Variants in LHFPL4 observed in about 807,000 individuals in gnomAD.
The protein encoded by LHFPL4 is LHFPL tetraspan subfamily member 4 protein.
In LHFPL4, 6 loss-of-function variants were observed where a neutral mutation model predicts 20.0. The ratio of observed to expected loss-of-function variants is 0.30; its 90% CI spans 0.16 to 0.59. The LOEUF (loss-of-function observed/expected upper bound fraction) is 0.59. Ranked by LOEUF, LHFPL4 falls within the 20% of genes least tolerant of loss-of-function variation. The probability of loss-of-function intolerance (pLI) is 0.88; values close to 1 mark genes in which losing one functional copy is unlikely to be tolerated. For synonymous variants in LHFPL4, 129 were observed against 143.8 expected (o/e 0.90, Z 0.74); for missense variants, 215 against 331.2 (o/e 0.65, Z 2.72).
intron 2 of LHFPL4, among the ~76,000 whole-genome samples, chr3:9,509,239 G>GCCC (rs1470517081): frequency 1.5e-4 from 11 of 74,822 alleles, no homozygotes; most frequent in African/African-American, 3.5e-4. Context: ...ATCTTTCTTC[G>GCCC]CACCCCCCTC....
chr3:9,511,050 A>G (rs114491762), intron 2 of LHFPL4, among the ~76,000 whole-genome samples: 1,815 of 151,856 alleles, frequency 0.012, 35 homozygotes, highest in African/African-American at 0.042. Context: ...ATTTAATCCT[A>G]TTATTAATTT....
intron 2 of LHFPL4, among the ~76,000 whole-genome samples, chr3:9,510,029 A>G (rs770053351): frequency 1.3e-5 from 2 of 152,212 alleles, no homozygotes; most frequent in South Asian, 2.1e-4. Context: ...CTCAGCCTCA[A>G]TGCTTTTGAC....
intron 2 of LHFPL4, among the ~76,000 whole-genome samples, chr3:9,548,267 A>G (rs2046530201): frequency 6.6e-6 from 1 of 152,246 alleles, no homozygotes; most frequent in African/African-American, 2.4e-5. Flanking sequence ...TGTTGTGAGT[A>G]TCAAATTATA....
chr3:9,523,313 G>A (rs1158657700), intron 2 of LHFPL4, among the ~76,000 whole-genome samples: 20 of 151,200 alleles, frequency 1.3e-4, no homozygotes, highest in East Asian at 3.9e-4. Context: ...CCTGGGAGGC[G>A]GAGGTTGCAG....
At chr3:9,507,560 A>C (rs1680222746) in intron 2 of LHFPL4, among the ~76,000 whole-genome samples, 1 of 152,244 alleles carries the variant, frequency 6.6e-6, no homozygotes, top group African/African-American at 2.4e-5. Flanking sequence ...AATTACACAA[A>C]TAAGAAAGTA....
intron 2 of LHFPL4, among the ~76,000 whole-genome samples, chr3:9,530,927 G>A (rs142160796): frequency 1.3e-5 from 2 of 151,574 alleles, no homozygotes; most frequent in African/African-American, 4.8e-5. Context: ...TTTAACGTGA[G>A]AGATGTATGA....
intron 2 of LHFPL4, among the ~76,000 whole-genome samples, chr3:9,516,713 A>G (rs2046304711): frequency 6.6e-6 from 1 of 150,836 alleles, no homozygotes; most frequent in Admixed American, 6.6e-5. Flanking sequence ...ACCTCAGGTG[A>G]TCCACCCACC....
At position 9,506,641 on chromosome 3, in the gene LHFPL4, C is replaced by T. The variant is rs564224258; in HGVS notation, c.407-438G>A. 4.1e-5 allele frequency among the ~76,000 whole-genome samples: 6 copies of T among 146,394 alleles called. No individual in the cohort carries two copies. The highest frequency in any genetic ancestry group is 2.1e-4 in the East Asian group (1 of 4,680). Reference sequence around the variant, plus strand: ...TGTTGCCCAGGGTGGAGTGCAATGGCGTGATCTCGGCTCACTGTAACCTCC... The same window carrying T: ...TGTTGCCCAGGGTGGAGTGCAATGGTGTGATCTCGGCTCACTGTAACCTCC... On this transcript the variant is annotated intron_variant, in intron 2 of 3. Transcript: ENST00000287585. The surrounding 1 kb of genome is among the most constrained non-coding windows in gnomAD (Gnocchi z 4.5).
intron 3 of LHFPL4, 129 bp downstream of exon 3, chr3:9,505,838 C>T (rs1255968233): frequency 6.8e-6 from 6 of 880,426 alleles, no homozygotes; most frequent in African/African-American, 3.3e-5. Context: ...GGATTATAGG[C>T]GTGAGCCACC....
chr3:9,506,229 C>G lies in LHFPL4; in HGVS notation c.407-26G>C. 6.4e-7 allele frequency: 1 copy of G among 1,567,700 alleles called. No individual in the cohort carries two copies. Among genetic ancestry groups the G allele is most frequent in the Non-Finnish European group, 8.8e-7 (1 of 1,137,970 alleles). ...CTGAGGGGCAGAGCACCGGGCCCAC[C>G]ACCACGGTCAGGAAGGAAGAGAAAA... is the stretch of plus-strand genomic sequence containing the variant. On this transcript the variant is annotated intron_variant, in intron 2 of 3. Coordinates refer to ENST00000287585, the MANE Select transcript of LHFPL4 (RefSeq NM_198560.3). This position sits in a 1 kb window ranked among gnomAD's most constrained non-coding sequence, Gnocchi z 4.5.
chr3:9,513,747 G>A (rs1254681884), intron 2 of LHFPL4, among the ~76,000 whole-genome samples: 1 of 152,120 alleles, frequency 6.6e-6, no homozygotes, highest in African/African-American at 2.4e-5. Flanking sequence ...TATTTATTGG[G>A]AAAAATCATT....
At chr3:9,513,055 A>G (rs1356531262) in intron 2 of LHFPL4, among the ~76,000 whole-genome samples, 2 of 151,596 alleles carry the variant, frequency 1.3e-5, no homozygotes, top group East Asian at 2.0e-4. Flanking sequence ...CGCCTCCTGG[A>G]TTCACGCCAT....
intron 2 of LHFPL4, among the ~76,000 whole-genome samples, chr3:9,507,552 T>C (rs552522112): frequency 6.6e-6 from 1 of 152,278 alleles, no homozygotes; most frequent in African/African-American, 2.4e-5. Flanking sequence ...AAAGTAATAA[T>C]TACACAAATA....
intron 2 of LHFPL4, among the ~76,000 whole-genome samples, chr3:9,541,839 CAG>C (rs1300102486): frequency 3.9e-5 from 6 of 152,054 alleles, no homozygotes; most frequent in African/African-American, 7.2e-5. Context: ...TAGAGGAAAA[CAG>C]GGGTAAATCT....
At chr3:9,527,415 T>C (rs553678512) in intron 2 of LHFPL4, among the ~76,000 whole-genome samples, 1 of 151,318 alleles carries the variant, frequency 6.6e-6, no homozygotes, top group Admixed American at 6.6e-5. Context: ...CTAAAAAAAA[T>C]AATAATAATA....
intron 3 of LHFPL4, 61 bp from the exon 4 acceptor site, chr3:9,502,372 G>A: frequency 7.9e-7 from 1 of 1,271,026 alleles, no homozygotes; most frequent in Non-Finnish European, 1.1e-6. Flanking sequence ...GGCTGCCTGG[G>A]CATTCAGGCT....
At chr3:9,550,094 T>A (rs1005621665) in intron 2 of LHFPL4, among the ~76,000 whole-genome samples, 1 of 152,102 alleles carries the variant, frequency 6.6e-6, no homozygotes, top group Non-Finnish European at 1.5e-5. Flanking sequence ...AATGGGAAAT[T>A]GAGATTTAAA....
At chr3:9,546,560 G>C (rs2046514663) in intron 2 of LHFPL4, among the ~76,000 whole-genome samples, 1 of 152,164 alleles carries the variant, frequency 6.6e-6, no homozygotes, top group East Asian at 1.9e-4. Flanking sequence ...AATGAGGATA[G>C]GTCTGGGTAC....
intron 2 of LHFPL4, among the ~76,000 whole-genome samples, chr3:9,509,010 G>A (rs983031338): frequency 6.6e-6 from 1 of 152,136 alleles, no homozygotes; most frequent in Non-Finnish European, 1.5e-5. Flanking sequence ...GGTGGCTCCC[G>A]CCAGGAGCAT....
Sources: gnomAD v4.1 joint callset for allele counts (sites outside exome capture counted in the v4.1 genomes callset) on GRCh38, gnomAD v4.1.1 for gene constraint, Gnocchi (gnomAD v3.1) non-coding constraint, MANE v1.5 for transcripts, NCBI Gene and HGNC (gene_info 2026-07-23, HGNC 2026-07-21) for gene names.